Variants in TTC7A observed in about 807,000 individuals in gnomAD.
TTC7A encodes the protein tetratricopeptide repeat domain 7A.
TTC7A carries 110 observed loss-of-function variants against 103.7 expected under a neutral mutation model. The observed-to-expected ratio is 1.06, with a 90% confidence interval of 0.91 to 1.24. The LOEUF (loss-of-function observed/expected upper bound fraction) is 1.24. TTC7A is among the 50% of genes most tolerant of loss of function. The pLI is 0.00. For missense variants in TTC7A, 1,340 were observed against 1,116.3 expected, an observed-to-expected ratio of 1.20 and a Z score of -2.86; for synonymous variants, 521 against 467.9, an observed-to-expected ratio of 1.11 and a Z score of -1.47.
chr2:47,006,770 G>C lies in TTC7A; in HGVS notation c.1287+46G>C, dbSNP rs752141573. 6.8e-6 allele frequency: 10 copies of C among 1,462,430 alleles called. No individual in the cohort carries two copies. In the Admixed American group the frequency reaches 1.5e-4, roughly 22 times the overall value. The allele number at this position is 1,462,430 out of a possible 1,614,324, so 90.6% of individuals were successfully genotyped here. ...GGGGTTGCACACTCACCCGCAGGGG[G>C]CTCTGCTGAGATGGACAGAGGGGCT... On this transcript the variant is annotated intron_variant, in intron 10 of 19. Coordinates refer to ENST00000319190, the MANE Select transcript of TTC7A (RefSeq NM_020458.4).
At chr2:47,053,541 T>TG (rs56313620) in intron 18 of TTC7A, among the ~76,000 whole-genome samples, 24,152 of 128,464 alleles carry the variant, frequency 0.19, 2,247 homozygotes, top group South Asian at 0.35. Flanking sequence ...TTTGTTTGTT[T>TG]GTTTGGTTGG....
chr2:47,011,375 G>A lies in TTC7A; in HGVS notation c.1332G>A (p.Arg444=). The change falls in exon 11 of 20, where the codon CGG becomes CGA. Residue 444 remains arginine, a synonymous_variant. Transcript: ENST00000319190. ...TGCTGCGGGAGTGTGTGAAGTTGCG[G>A]CCCTCGGACCCCACCGTGCCCCTGA... is the stretch of plus-strand genomic sequence containing the variant. The part of the protein sequence containing the change: ...VSLLRECVKL[R]PSDPTVPLMA... 1 of 1,612,790 alleles carries A rather than the reference G, an allele frequency of 6.2e-7. No homozygotes were observed. The highest frequency in any genetic ancestry group is 8.5e-7 in the Non-Finnish European group (1 of 1,179,944).
Position 46,998,248 on chromosome 2 carries a change from G to T in TTC7A, c.1065+3049G>T, listed in dbSNP as rs558750366. 4.6e-4 allele frequency among the ~76,000 whole-genome samples: 70 copies of T among 152,302 alleles called. 1 individual carries two copies. The highest frequency in any genetic ancestry group is 3.9e-3 in the Admixed American group (60 of 15,308). ...CATTCAGAAACTTGAGGGATTTGGG[G>T]GAGAGTATTGGCAATGAACTTAGTT... On this transcript the variant is annotated intron_variant, in intron 8 of 19. Coordinates refer to ENST00000319190, the MANE Select transcript of TTC7A (RefSeq NM_020458.4).
chr2:46,917,471 C>T (rs1330330165), intron 2 of TTC7A, among the ~76,000 whole-genome samples: 2 of 152,326 alleles, frequency 1.3e-5, no homozygotes, highest in East Asian at 3.9e-4. Context: ...CATTCAATAA[C>T]ATTTCTTGAA....
intron 19 of TTC7A, among the ~76,000 whole-genome samples, chr2:47,066,425 C>T (rs1051639814): frequency 6.6e-6 from 1 of 152,186 alleles, no homozygotes; most frequent in Non-Finnish European, 1.5e-5. Context: ...GAGCTCTGCC[C>T]ATCCAAGCCC....
At chr2:47,049,193 G>C (rs756349269) in intron 16 of TTC7A, among the ~76,000 whole-genome samples, 2 of 152,168 alleles carry the variant, frequency 1.3e-5, no homozygotes. Flanking sequence ...TATTCTCTAA[G>C]TTTCCCCAGT....
intron 14 of TTC7A, 145 bp from the exon 15 acceptor site, chr2:47,029,079 T>G (rs1572959971): frequency 1.2e-6 from 1 of 845,566 alleles, no homozygotes. Context: ...CTGGGGCAGG[T>G]GTTTTCTCAC....
intron 5 of TTC7A, among the ~76,000 whole-genome samples, chr2:46,988,228 C>T (rs1207738574): frequency 1.3e-5 from 2 of 152,132 alleles, no homozygotes; most frequent in African/African-American, 2.4e-5. Context: ...GGAAGGAGCC[C>T]GGCACCTGGA....
At chr2:47,044,763 C>G (rs1437367404) in intron 15 of TTC7A, among the ~76,000 whole-genome samples, 1 of 152,248 alleles carries the variant, frequency 6.6e-6, no homozygotes, top group Non-Finnish European at 1.5e-5. Context: ...GAAATCCCCT[C>G]TTCTGAAAAT....
At chr2:46,934,485 G>C (rs573927918) in intron 2 of TTC7A, among the ~76,000 whole-genome samples, 1 of 152,010 alleles carries the variant, frequency 6.6e-6, no homozygotes, top group Non-Finnish European at 1.5e-5. Context: ...TCTTGAACTG[G>C]CTGGTCTCCA....
At position 46,950,464 on chromosome 2, in the gene TTC7A, G is replaced by T. The variant is rs886042805; in HGVS notation, c.286G>T (p.Glu96Ter). Residue 96 changes from glutamate (E) to a stop codon, truncating the protein, a stop_gained, in exon 2 of 20, where the codon GAG becomes TAG. Coordinates refer to ENST00000319190, the MANE Select transcript of TTC7A (RefSeq NM_020458.4). LOFTEE classifies it high-confidence loss of function. ...CTCCATGCCTTTGCTGGAGAAGAAT[G>T]AGCCGAAGATGAGCGAAGCCAAAAA... is the stretch of plus-strand genomic sequence containing the variant. ...KDSMPLLEKN[E>*]PKMSEAKNYL... The T allele has an allele frequency of 3.1e-6, 5 of 1,614,194 alleles. No homozygotes were observed. The highest frequency in any genetic ancestry group is 4.2e-6 in the Non-Finnish European group (5 of 1,180,048).
rs144019982 is a variant in TTC7A, at chr2:46,948,761, A to G, written c.185-1602A>G. Among the ~76,000 whole-genome samples the G allele has an allele frequency of 3.2e-3, 482 of 152,270 alleles. 10 individuals are homozygous for G. Among genetic ancestry groups the G allele is most frequent in the African/African-American group, 0.011 (462 of 41,570 alleles). On this transcript the variant is annotated intron_variant, in intron 1 of 19. Transcript: ENST00000319190. ...AGGCTTGCACTACTGTGCCCAGCTA[A>G]GGCATGCAGTTTTGGACTAGTGGCT...
chr2:47,060,596 C>T (rs1003232532), intron 18 of TTC7A, among the ~76,000 whole-genome samples, 173 bp from the exon 19 acceptor site: 3 of 152,206 alleles, frequency 2.0e-5, no homozygotes, highest in Admixed American at 6.5e-5. Context: ...ACTCAGAAAC[C>T]GTTACCTAGT....
At chr2:47,015,763 A>C (rs1222029635) in intron 11 of TTC7A, among the ~76,000 whole-genome samples, 2 of 152,192 alleles carry the variant, frequency 1.3e-5, no homozygotes, top group Non-Finnish European at 2.9e-5. Context: ...TCATTTTTCA[A>C]ATTCAGGGGT....
intron 19 of TTC7A, chr2:47,066,049 A>G (rs1390334161): frequency 2.6e-5 from 4 of 152,122 alleles, no homozygotes; most frequent in Non-Finnish European, 5.9e-5. Flanking sequence ...ATGGCTCTGC[A>G]TGAGCTTTGG....
intron 2 of TTC7A, among the ~76,000 whole-genome samples, chr2:46,917,797 C>T (rs780801436): frequency 9.9e-5 from 15 of 152,166 alleles, no homozygotes; most frequent in Non-Finnish European, 1.8e-4. Context: ...CCTCTCAACA[C>T]TGTTTTATCA....
In TTC7A at chr2:47,004,405, G is replaced by A. The variant is rs1030328257; in HGVS notation, c.1066-1517G>A. ...AGGGGCTTGGGCTTCTGCCTCCAGC[G>A]CCTCACCTGGAGGAGGGGAGAGCAG... On this transcript the variant is annotated intron_variant, in intron 8 of 19. Transcript: ENST00000319190. 2.0e-5 allele frequency among the ~76,000 whole-genome samples: 3 copies of A among 152,168 alleles called. No homozygotes were observed. The East Asian group carries it at 5.8e-4, about 29-fold the overall frequency.
chr2:46,992,824 A>G (rs955263893), intron 5 of TTC7A, among the ~76,000 whole-genome samples: 2 of 152,218 alleles, frequency 1.3e-5, no homozygotes, highest in African/African-American at 4.8e-5. Flanking sequence ...CATAGGAGAG[A>G]TGGGTATTTT....
At chr2:46,925,879 T>G (rs1333570173) in intron 2 of TTC7A, among the ~76,000 whole-genome samples, 1 of 152,334 alleles carries the variant, frequency 6.6e-6, no homozygotes, top group South Asian at 2.1e-4. Flanking sequence ...GATTCCTTTC[T>G]TAAAAACCAT....
Sources: allele counts gnomAD v4.1 joint callset (sites outside exome capture counted in the v4.1 genomes callset), GRCh38; gene constraint gnomAD v4.1.1; transcripts MANE v1.5; gene names NCBI Gene and HGNC (gene_info 2026-07-23, HGNC 2026-07-21).